The following DNAH8 variants were observed in gnomAD, a reference collection of about 807,000 sequenced individuals.
DNAH8 encodes dynein axonemal heavy chain 8.
Under a neutral mutation model 562.1 loss-of-function variants are expected in DNAH8, and 382 were observed. The observed-to-expected ratio is 0.68, with a 90% CI of 0.63 to 0.74. DNAH8 has a LOEUF of 0.74. Among genes scored for constraint, DNAH8 ranks in the 30% least tolerant of loss-of-function variants. DNAH8 has a pLI of 0.00. For synonymous variants in DNAH8, 1,881 were observed against 1,919.4 expected (o/e 0.98, Z 0.52); for missense variants, 5,203 against 5,620.4 (o/e 0.93, Z 2.37).
intron 79 of DNAH8, among the ~76,000 whole-genome samples, chr6:38,943,424 G>T (rs1167529317): frequency 6.6e-6 from 1 of 152,124 alleles, no homozygotes; most frequent in Non-Finnish European, 1.5e-5. Flanking sequence ...AATACTTAAG[G>T]GGGAGAGTGG....
In DNAH8 at chr6:38,828,258, A is replaced by T; in HGVS notation, c.4158A>T (p.Arg1386Ser). ...KEESEAVDTL[R>S]YSFNKLQSKA... ...AATCAGAAGCAGTTGATACCTTAAGATATTCTTTCAACAAATTGCAGAGCA... is the reference window on the plus strand; with the variant it reads ...AATCAGAAGCAGTTGATACCTTAAGTTATTCTTTCAACAAATTGCAGAGCA... Residue 1386 changes from arginine (R) to serine (S), a missense_variant, in exon 30 of 93, where the codon AGA becomes AGT. Arg to Ser is a moderately radical substitution (Grantham distance 110). Around this residue, in one of 6 missense-constraint regions of DNAH8, gnomAD observed 2,176 missense variants for 2,365.1 expected, o/e 0.92. Transcript: ENST00000327475. 2 of 1,585,942 alleles carry T rather than the reference A, an allele frequency of 1.3e-6. No individual in the cohort carries two copies. The highest frequency in any genetic ancestry group is 1.7e-6 in the Non-Finnish European group (2 of 1,167,990).
Position 38,739,384 on chromosome 6 carries a change from A to G in DNAH8, c.1116+1412A>G, listed in dbSNP as rs9470925. On this transcript the variant is annotated intron_variant, in intron 7 of 92. Transcript: ENST00000327475. ...TATTTTACTTATTAAATGCTTTCCT[A>G]CTCCAGTGTTACAAAGGCATTCTCT... 6.1e-3 allele frequency among the ~76,000 whole-genome samples: 927 copies of G among 152,112 alleles called. 4 individuals carry two copies. Among genetic ancestry groups the G allele is most frequent in the Non-Finnish European group, 0.01 (684 of 67,966 alleles).
Position 38,775,959 on chromosome 6 carries a change from A to G in DNAH8, c.1962+8A>G. Reference sequence around the variant, plus strand: ...AAAATCAATGGTTTAGAGGTAAGTAATTATACCTACTTTTACTTAGTAAAG... The same window carrying G: ...AAAATCAATGGTTTAGAGGTAAGTAGTTATACCTACTTTTACTTAGTAAAG... On this transcript the variant is annotated splice_region_variant and intron_variant, in intron 13 of 92. Coordinates refer to ENST00000327475, the MANE Select transcript of DNAH8 (RefSeq NM_001206927.2). The G allele has an allele frequency of 6.4e-7, 1 of 1,571,078 alleles. No individual in the cohort carries two copies. Among genetic ancestry groups the G allele is most frequent in the South Asian group, 1.1e-5 (1 of 89,668 alleles).
At chr6:38,856,521 C>T (rs1385020731) in intron 41 of DNAH8, among the ~76,000 whole-genome samples, 2 of 152,022 alleles carry the variant, frequency 1.3e-5, no homozygotes, top group Non-Finnish European at 2.9e-5. Context: ...TTGTCTTTCC[C>T]CCCTTGGACC....
chr6:38,815,615 G>A lies in DNAH8; in HGVS notation c.3481G>A (p.Val1161Met), dbSNP rs201712851. ...SVIPSPTTTD[V>M]THQNTGKLLK... ...CATTCCCAGCCCCACCACTACTGAC[G>A]TGACCCATCAAAACACAGGAAAACT... Residue 1161 changes from valine (V) to methionine (M), a missense_variant, in exon 26 of 93, where the codon GTG (valine) becomes ATG (methionine). Physicochemically the swap from Val to Met is conservative, Grantham distance 21. Transcript: ENST00000327475. 54 of 1,613,702 alleles carry A rather than the reference G, an allele frequency of 3.3e-5. No homozygotes were observed. Among genetic ancestry groups the A allele is most frequent in the Middle Eastern group, 1.6e-4 (1 of 6,078 alleles).
intron 17 of DNAH8, among the ~76,000 whole-genome samples, chr6:38,785,141 T>C (rs1293885266): frequency 6.6e-6 from 1 of 152,248 alleles, no homozygotes; most frequent in African/African-American, 2.4e-5. Context: ...TTCGTGTTTT[T>C]TCACAAGTAA....
At chr6:38,736,342 A>G (rs1764087278) in intron 5 of DNAH8, among the ~76,000 whole-genome samples, 1 of 152,146 alleles carries the variant, frequency 6.6e-6, no homozygotes. Context: ...TTAAAGTCAA[A>G]CCTATTTTCA....
chr6:38,986,374 A>G (rs905207349), intron 87 of DNAH8, among the ~76,000 whole-genome samples: 1 of 152,224 alleles, frequency 6.6e-6, no homozygotes, highest in African/African-American at 2.4e-5. Context: ...AAAGGAATAT[A>G]TGCATAGTTC....
intron 73 of DNAH8, among the ~76,000 whole-genome samples, chr6:38,924,512 A>G (rs1054402818): frequency 1.3e-5 from 2 of 151,986 alleles, no homozygotes; most frequent in African/African-American, 4.8e-5. Flanking sequence ...CCCCCCCCCA[A>G]AAAAAAGAAA....
chr6:39,025,776 T>C (rs965353407), intron 91 of DNAH8, among the ~76,000 whole-genome samples: 7 of 152,086 alleles, frequency 4.6e-5, no homozygotes, highest in East Asian at 3.8e-4. Flanking sequence ...TGATTTTTAA[T>C]ATTTACATGG....
intron 33 of DNAH8, among the ~76,000 whole-genome samples, chr6:38,839,286 T>C (rs1408445735): frequency 1.3e-5 from 2 of 152,128 alleles, no homozygotes; most frequent in Non-Finnish European, 2.9e-5. Flanking sequence ...CAACAGACCA[T>C]TTTCATTTTG....
At chr6:38,933,965 T>C (rs1015120723) in intron 76 of DNAH8, among the ~76,000 whole-genome samples, 1 of 152,190 alleles carries the variant, frequency 6.6e-6, no homozygotes, top group Admixed American at 6.5e-5. Flanking sequence ...GTACTGTCAA[T>C]AATACAAAAA....
chr6:38,781,921 C>T (rs1768655042), intron 16 of DNAH8, among the ~76,000 whole-genome samples: 1 of 151,980 alleles, frequency 6.6e-6, no homozygotes, highest in Non-Finnish European at 1.5e-5. Flanking sequence ...TTTTCTTTGT[C>T]CTTATTATTT....
rs187717695 is a variant in DNAH8 at position 38,843,418 on chromosome 6, A to G, written c.4845+515A>G. On this transcript the variant is annotated intron_variant, in intron 35 of 92. Transcript: ENST00000327475. ...TTCTTAGATCTACAGTCTTAAATCT[A>G]TATATATTCCCAGATCTGTAGGTTT... Among the ~76,000 whole-genome samples the G allele has an allele frequency of 1.3e-3, 198 of 151,606 alleles. 1 individual carries two copies. The highest frequency in any genetic ancestry group is 1.1e-3 in the Non-Finnish European group (77 of 67,906).
rs1251890095 is a variant in DNAH8, at chr6:38,741,729, C to T, written c.1135C>T (p.Gln379Ter). ...QIEQVLIESE[Q>*]MRKEAGDSGP... Reference sequence around the variant, plus strand: ...ACTGCAGGTACTTATTGAGAGTGAGCAGATGAGAAAAGAAGCTGGTGATTC... The same window carrying T: ...ACTGCAGGTACTTATTGAGAGTGAGTAGATGAGAAAAGAAGCTGGTGATTC... The change falls in exon 8 of 93, where the codon CAG becomes TAG. Residue 379 changes from glutamine to a stop codon, truncating the protein, a stop_gained. Coordinates refer to ENST00000327475, the MANE Select transcript of DNAH8 (RefSeq NM_001206927.2). LOFTEE classifies it high-confidence loss of function. 5.0e-6 allele frequency: 8 copies of T among 1,612,116 alleles called. No individual in the cohort carries two copies. Among genetic ancestry groups the T allele is most frequent in the Non-Finnish European group, 4.2e-6 (5 of 1,179,342 alleles).
intron 21 of DNAH8, among the ~76,000 whole-genome samples, chr6:38,794,849 A>G (rs1480500481): frequency 8.4e-6 from 1 of 119,386 alleles, no homozygotes; most frequent in Non-Finnish European, 1.7e-5. Flanking sequence ...TTTTGGTTAT[A>G]TACTAAGAAT....
intron 52 of DNAH8, among the ~76,000 whole-genome samples, chr6:38,873,793 AGAGT>A (rs1777681185): frequency 6.6e-6 from 1 of 150,610 alleles, no homozygotes; most frequent in Non-Finnish European, 1.5e-5. Flanking sequence ...CTGGGGCGAC[AGAGT>A]GAGACCCTGT....
chr6:38,845,066 T>C (rs1775171802), intron 35 of DNAH8, among the ~76,000 whole-genome samples: 1 of 144,832 alleles, frequency 6.9e-6, no homozygotes, highest in African/African-American at 2.7e-5. Context: ...TCTTTCTTAT[T>C]AAGTATTCTC....
chr6:39,028,896 G>T (rs1034075410), intron 92 of DNAH8, among the ~76,000 whole-genome samples: 5 of 152,016 alleles, frequency 3.3e-5, no homozygotes, highest in Admixed American at 3.3e-4. Context: ...CTCACACGGT[G>T]AGCCCCCACA....
Sources: allele counts gnomAD v4.1 joint callset (sites outside exome capture counted in the v4.1 genomes callset), GRCh38; gene constraint gnomAD v4.1.1; regional missense constraint gnomAD v4.1.1; transcripts MANE v1.5; gene names NCBI Gene and HGNC (gene_info 2026-07-23, HGNC 2026-07-21).